Variants in ADAMTS12 observed in about 807,000 individuals in gnomAD.
ADAMTS12 encodes the protein ADAM metallopeptidase with thrombospondin type 1 motif 12.
In ADAMTS12, 118 loss-of-function variants were observed where a neutral mutation model predicts 167.8. The observed-to-expected ratio is 0.70, with a 90% CI of 0.61 to 0.82. The LOEUF (loss-of-function observed/expected upper bound fraction) is 0.82. Among genes scored for constraint, ADAMTS12 ranks in the 40% least tolerant of loss-of-function variants. The probability of loss-of-function intolerance (pLI) is 0.00; values close to 1 mark genes in which losing one functional copy is unlikely to be tolerated. For missense variants in ADAMTS12, 1,916 were observed against 1,998.8 expected, an observed-to-expected ratio of 0.96 and a Z score of 0.79; for synonymous variants, 704 against 716.9, an observed-to-expected ratio of 0.98 and a Z score of 0.29.
At chr5:33,661,077 G>A (rs1741240975) in intron 6 of ADAMTS12, among the ~76,000 whole-genome samples, 1 of 152,204 alleles carries the variant, frequency 6.6e-6, no homozygotes, top group South Asian at 2.1e-4. Flanking sequence ...GAAGTTCTCT[G>A]TGGTTGAAGG....
chr5:33,689,572 C>T (rs1027281607), intron 3 of ADAMTS12, among the ~76,000 whole-genome samples: 1 of 152,066 alleles, frequency 6.6e-6, no homozygotes, highest in Non-Finnish European at 1.5e-5. Flanking sequence ...GAGACAATAT[C>T]CTGCTTCTTT....
intron 20 of ADAMTS12, among the ~76,000 whole-genome samples, chr5:33,560,581 C>T (rs1745691718): frequency 6.6e-6 from 1 of 152,026 alleles, no homozygotes; most frequent in African/African-American, 2.4e-5. Flanking sequence ...CCATGGAATA[C>T]TATGCAGCCA....
At chr5:33,774,381 T>C (rs557312977) in intron 2 of ADAMTS12, among the ~76,000 whole-genome samples, 77 of 152,188 alleles carry the variant, frequency 5.1e-4, no homozygotes, top group Non-Finnish European at 1.0e-3. Flanking sequence ...CTTATATATA[T>C]GTGAACTACA....
chr5:33,610,263 T>C (rs1394632339), intron 16 of ADAMTS12, among the ~76,000 whole-genome samples: 2 of 152,154 alleles, frequency 1.3e-5, no homozygotes, highest in African/African-American at 4.8e-5. Context: ...CTTGATGAGG[T>C]GTGTGCCTCT....
intron 1 of ADAMTS12, among the ~76,000 whole-genome samples, chr5:33,884,409 GC>G (rs1389586402): frequency 2.6e-5 from 4 of 152,130 alleles, no homozygotes; most frequent in African/African-American, 9.7e-5. Context: ...GCCACTCCTG[GC>G]CGTGCTTTTG....
intron 18 of ADAMTS12, among the ~76,000 whole-genome samples, chr5:33,581,497 G>A (rs1273694356): frequency 1.3e-5 from 2 of 152,206 alleles, no homozygotes; most frequent in African/African-American, 2.4e-5. Context: ...CTGTAGTGCT[G>A]AGAAAGGGTT....
intron 20 of ADAMTS12, among the ~76,000 whole-genome samples, chr5:33,552,567 A>T (rs1745296377): frequency 6.6e-6 from 1 of 152,226 alleles, no homozygotes; most frequent in Non-Finnish European, 1.5e-5. Context: ...TCCTAAACAC[A>T]TTCATAAGAC....
rs574057176 is a variant in ADAMTS12, at chr5:33,570,255, G to C, written c.3972+5799C>G. On this transcript the variant is annotated intron_variant, in intron 19 of 23. Transcript: ENST00000504830. ...CAGGAAATACAGAGAACACCACAAA[G>C]ATACTCCTTGAGAAGAGCAACTCCA... 2.6e-3 allele frequency among the ~76,000 whole-genome samples: 391 copies of C among 152,230 alleles called. 3 individuals are homozygous for C. Among genetic ancestry groups the C allele is most frequent in the South Asian group, 0.012 (59 of 4,810 alleles).
chr5:33,769,735 G>C (rs1409389101), intron 2 of ADAMTS12, among the ~76,000 whole-genome samples: 1 of 152,122 alleles, frequency 6.6e-6, no homozygotes, highest in Non-Finnish European at 1.5e-5. Flanking sequence ...CAAATGTAAG[G>C]CATGACCAAA....
At chr5:33,842,914 A>C (rs1305398071) in intron 2 of ADAMTS12, among the ~76,000 whole-genome samples, 1 of 152,228 alleles carries the variant, frequency 6.6e-6, no homozygotes, top group Non-Finnish European at 1.5e-5. Context: ...TCTGTAGCTA[A>C]GCCAGCATAG....
At chr5:33,670,213 T>C (rs1741622482) in intron 5 of ADAMTS12, among the ~76,000 whole-genome samples, 1 of 151,402 alleles carries the variant, frequency 6.6e-6, no homozygotes, top group Non-Finnish European at 1.5e-5. Context: ...CCAAGGAGGA[T>C]ATACAGATAG....
Position 33,849,591 on chromosome 5 carries a change from CATAT to C in ADAMTS12, c.489+31524_489+31527del, listed in dbSNP as rs1749130758. Among the ~76,000 whole-genome samples the C allele has an allele frequency of 1.2e-4, 8 of 68,992 alleles. 1 individual carries two copies. Among genetic ancestry groups the C allele is most frequent in the African/African-American group, 4.6e-4 (8 of 17,446 alleles). The allele number at this position is 68,992 out of a possible 152,430, so 45.3% of individuals were successfully genotyped here. A position where few individuals can be genotyped will look rare whatever the true frequency, so the allele number is the denominator to read the frequency against. ...CACATGTGTATTGCATAGCAATACA[CATAT>C]GTATTGCATAGCAATATATATGTAT... On this transcript the variant is annotated intron_variant, in intron 2 of 23. Coordinates refer to ENST00000504830, the MANE Select transcript of ADAMTS12 (RefSeq NM_030955.4).
intron 22 of ADAMTS12, among the ~76,000 whole-genome samples, chr5:33,545,817 C>T (rs1744945075): frequency 6.7e-6 from 1 of 150,086 alleles, no homozygotes; most frequent in Non-Finnish European, 1.5e-5. Context: ...ACAATGAGAA[C>T]CCTTGGACAC....
chr5:33,790,498 A>T (rs1463376996), intron 2 of ADAMTS12, among the ~76,000 whole-genome samples: 1 of 151,260 alleles, frequency 6.6e-6, no homozygotes, highest in Non-Finnish European at 1.5e-5. Flanking sequence ...GGTTGCAGAC[A>T]GCCGAGATCG....
intron 3 of ADAMTS12, among the ~76,000 whole-genome samples, chr5:33,726,701 C>T (rs1743993643): frequency 1.3e-5 from 2 of 150,962 alleles, no homozygotes; most frequent in South Asian, 4.1e-4. Flanking sequence ...GTTACTGAAG[C>T]TTACTCCTAA....
chr5:33,826,845 C>T (rs1482735647), intron 2 of ADAMTS12, among the ~76,000 whole-genome samples: 1 of 152,094 alleles, frequency 6.6e-6, no homozygotes, highest in African/African-American at 2.4e-5. Flanking sequence ...GAACTGCAGC[C>T]ATCTATGTGT....
chr5:33,656,827 G>T (rs918281598), intron 7 of ADAMTS12, among the ~76,000 whole-genome samples: 3 of 152,090 alleles, frequency 2.0e-5, no homozygotes, highest in Non-Finnish European at 4.4e-5. Context: ...TTTTATTATC[G>T]ACATGCCAAC....
At position 33,649,066 on chromosome 5, in the gene ADAMTS12, T is replaced by C. The variant is rs1740783218; in HGVS notation, c.1335-100A>G. 2.1e-6 allele frequency: 3 copies of C among 1,420,906 alleles called. No individual in the cohort carries two copies. In the East Asian group the frequency reaches 7.0e-5, roughly 33 times the overall value. 88.0% of individuals were successfully genotyped at this position (1,420,906 alleles called of 1,614,324 possible). ...CTTCCCTCTGGTTTACTCTTTGTCC[T>C]TTAAGACAACTTTATTTTTTACAAG... On this transcript the variant is annotated intron_variant, in intron 8 of 23. Coordinates refer to ENST00000504830, the MANE Select transcript of ADAMTS12 (RefSeq NM_030955.4).
intron 21 of ADAMTS12, among the ~76,000 whole-genome samples, chr5:33,547,820 G>A (rs1480291075): frequency 1.3e-5 from 2 of 152,136 alleles, no homozygotes; most frequent in African/African-American, 4.8e-5. Flanking sequence ...TTCTCTGAAA[G>A]GGCAATCTAA....
Sources: gnomAD v4.1 joint callset for allele counts (sites outside exome capture counted in the v4.1 genomes callset) on GRCh38, gnomAD v4.1.1 for gene constraint, MANE v1.5 for transcripts, NCBI Gene and HGNC (gene_info 2026-07-23, HGNC 2026-07-21) for gene names.